CCSER1: variants seen among roughly 807,000 people sequenced by gnomAD.
CCSER1 encodes the protein coiled-coil serine rich protein 1.
In CCSER1, 41 loss-of-function variants were observed where a neutral mutation model predicts 82.0. The observed-to-expected ratio is 0.50, with a 90% confidence interval of 0.39 to 0.65. CCSER1 has a LOEUF of 0.65. Among genes scored for constraint, CCSER1 ranks in the 30% least tolerant of loss-of-function variants. The pLI, the probability that CCSER1 is intolerant of heterozygous loss-of-function variation, is 0.00. For synonymous variants in CCSER1, 414 were observed against 383.9 expected (o/e 1.08, Z -0.92); for missense variants, 1,119 against 1,064.2 (o/e 1.05, Z -0.72).
At chr4:91,429,423 A>C (rs1560663620) in intron 10 of CCSER1, among the ~76,000 whole-genome samples, 3 of 152,046 alleles carry the variant, frequency 2.0e-5, no homozygotes, top group African/African-American at 7.2e-5. Context: ...AAGTACATAA[A>C]AAGTCACTTG....
intron 10 of CCSER1, among the ~76,000 whole-genome samples, chr4:91,520,030 G>A (rs1008891332): frequency 6.6e-6 from 1 of 152,114 alleles, no homozygotes; most frequent in Non-Finnish European, 1.5e-5. Context: ...TTGATAAGGT[G>A]AGATTTATTT....
At chr4:90,995,161 A>T (rs1333058684) in intron 9 of CCSER1, among the ~76,000 whole-genome samples, 11 of 152,152 alleles carry the variant, frequency 7.2e-5, no homozygotes, top group Non-Finnish European at 1.6e-4. Flanking sequence ...TAGACTAATT[A>T]AGTAAGTTCT....
intron 1 of CCSER1, among the ~76,000 whole-genome samples, chr4:90,143,213 C>G (rs1352931816): frequency 2.6e-5 from 4 of 151,970 alleles, no homozygotes; most frequent in Admixed American, 6.6e-5. Flanking sequence ...TTGTTCTTCC[C>G]TCTGCCTGGA....
chr4:90,371,351 A>G lies in CCSER1; in HGVS notation c.1510-28685A>G, dbSNP rs13133690. ...TTTTGATTCTATATTTTATAATTAC[A>G]CTAGCATCTATAATTGAATAATTGA... On this transcript the variant is annotated intron_variant, in intron 3 of 10. Coordinates refer to ENST00000509176, the MANE Select transcript of CCSER1 (RefSeq NM_001145065.2). 1.0e-3 allele frequency among the ~76,000 whole-genome samples: 152 copies of G among 152,260 alleles called. 1 individual carries two copies. Among genetic ancestry groups the G allele is most frequent in the South Asian group, 2.5e-3 (12 of 4,826 alleles).
chr4:91,424,105 T>G (rs545906212), intron 10 of CCSER1, among the ~76,000 whole-genome samples: 1 of 140,408 alleles, frequency 7.1e-6, no homozygotes, highest in East Asian at 2.3e-4. Flanking sequence ...CAAGCTCCGC[T>G]TCCCGGGTTC....
chr4:91,169,872 A>G (rs955631404), intron 10 of CCSER1, among the ~76,000 whole-genome samples: 1 of 152,180 alleles, frequency 6.6e-6, no homozygotes, highest in African/African-American at 2.4e-5. Flanking sequence ...ATAGAATTCA[A>G]TTGTATTGAT....
At chr4:91,349,056 C>T (rs928320729) in intron 10 of CCSER1, among the ~76,000 whole-genome samples, 3 of 152,064 alleles carry the variant, frequency 2.0e-5, no homozygotes, top group South Asian at 2.1e-4. Flanking sequence ...CTACAGGCAC[C>T]GCCACCGTGC....
At chr4:90,792,853 C>T (rs1755459770) in intron 7 of CCSER1, among the ~76,000 whole-genome samples, 1 of 152,058 alleles carries the variant, frequency 6.6e-6, no homozygotes, top group Non-Finnish European at 1.5e-5. Context: ...AGGGGCTGTC[C>T]CTAGTTGCCT....
At chr4:90,644,946 G>T (rs563326527) in intron 6 of CCSER1, among the ~76,000 whole-genome samples, 1 of 151,426 alleles carries the variant, frequency 6.6e-6, no homozygotes, top group Non-Finnish European at 1.5e-5. Context: ...GCTGGATGTC[G>T]TGGCACACAC....
intron 9 of CCSER1, among the ~76,000 whole-genome samples, chr4:90,994,495 A>G (rs935539134): frequency 2.2e-5 from 2 of 91,016 alleles, no homozygotes; most frequent in Admixed American, 2.4e-4. Context: ...ATGGTAAAGT[A>G]AAAAAAAAAA....
At position 90,309,255 on chromosome 4, in the gene CCSER1, A is replaced by G; in HGVS notation, c.971A>G (p.Tyr324Cys). 3 of 1,613,914 alleles carry G rather than the reference A, an allele frequency of 1.9e-6. No homozygotes were observed. The highest frequency in any genetic ancestry group is 1.3e-5 in the African/African-American group (1 of 75,058). Reference protein sequence around the residue: ...VPCAIMSPGKYRLEGQCSTES... With the variant: ...VPCAIMSPGKCRLEGQCSTES... ...TGTGCAATTATGTCTCCTGGGAAAT[A>G]TAGGTTAGAGGGTCAATGTAGCACT... The change falls in exon 2 of 11, where the codon TAT (tyrosine) becomes TGT (cysteine). Residue 324 changes from tyrosine to cysteine, a missense_variant. Transcript: ENST00000509176.
chr4:91,002,012 AGCTTAG>A (rs1738082028), intron 9 of CCSER1, among the ~76,000 whole-genome samples: 1 of 152,134 alleles, frequency 6.6e-6, no homozygotes, highest in South Asian at 2.1e-4. Flanking sequence ...TCATTTATGA[AGCTTAG>A]TTTTGCTGGA....
chr4:91,054,484 T>C (rs942699538), intron 9 of CCSER1, among the ~76,000 whole-genome samples: 4 of 152,176 alleles, frequency 2.6e-5, no homozygotes, highest in African/African-American at 9.6e-5. Context: ...TTTTTAATCT[T>C]TTTTTGATTT....
chr4:90,407,551 A>G (rs1480326126), intron 4 of CCSER1, among the ~76,000 whole-genome samples: 1 of 152,200 alleles, frequency 6.6e-6, no homozygotes, highest in Non-Finnish European at 1.5e-5. Flanking sequence ...ACATAACAAA[A>G]GAAAACTACA....
intron 10 of CCSER1, among the ~76,000 whole-genome samples, chr4:91,481,907 A>C (rs1259165389): frequency 6.6e-6 from 1 of 152,156 alleles, no homozygotes; most frequent in African/African-American, 2.4e-5. Context: ...GAATTTACAA[A>C]GAACTCAAAC....
chr4:90,252,131 A>AT (rs927038779), intron 1 of CCSER1, among the ~76,000 whole-genome samples: 6 of 151,650 alleles, frequency 4.0e-5, no homozygotes, highest in African/African-American at 1.2e-4. Context: ...TGGATTTCAG[A>AT]TTTTTTTTAG....
At chr4:90,194,171 C>T (rs1026266766) in intron 1 of CCSER1, among the ~76,000 whole-genome samples, 4 of 151,952 alleles carry the variant, frequency 2.6e-5, no homozygotes, top group African/African-American at 9.7e-5. Context: ...GCACAAATAG[C>T]CTAGATCAGA....
intron 10 of CCSER1, among the ~76,000 whole-genome samples, chr4:91,215,101 TTAAC>T (rs1737137762): frequency 6.6e-6 from 1 of 152,104 alleles, no homozygotes; most frequent in African/African-American, 2.4e-5. Context: ...ATTAGAATAT[TTAAC>T]TAATTAGTAG....
At chr4:90,345,291 T>C (rs1233502497) in intron 3 of CCSER1, among the ~76,000 whole-genome samples, 2 of 152,098 alleles carry the variant, frequency 1.3e-5, no homozygotes, top group Non-Finnish European at 2.9e-5. Context: ...GAGATTGAGT[T>C]GTCTCCCAAA....
Sources: gnomAD v4.1 joint callset for allele counts (sites outside exome capture counted in the v4.1 genomes callset) on GRCh38, gnomAD v4.1.1 for gene constraint, MANE v1.5 for transcripts, NCBI Gene and HGNC (gene_info 2026-07-23, HGNC 2026-07-21) for gene names.